Variants in CYTH4 observed in about 807,000 individuals in gnomAD.
CYTH4 encodes cytohesin 4.
In CYTH4, 22 loss-of-function variants were observed where a neutral mutation model predicts 57.5. That is an observed-to-expected ratio of 0.38 (90% CI 0.27 to 0.55). CYTH4 has a LOEUF of 0.55. CYTH4 is among the 20% of genes least tolerant of loss of function. The pLI, the probability that CYTH4 is intolerant of heterozygous loss-of-function variation, is 0.74. For synonymous variants in CYTH4, 186 were observed against 206.5 expected (o/e 0.90, Z 0.85); for missense variants, 420 against 535.6 (o/e 0.78, Z 2.13).
At chr22:37,284,941 G>C (rs995416413) in intron 1 of CYTH4, among the ~76,000 whole-genome samples, 5 of 140,648 alleles carry the variant, frequency 3.6e-5, no homozygotes, top group African/African-American at 9.9e-5. Flanking sequence ...AGCTCGGCTG[G>C]GGCGGTGGGG....
chr22:37,292,823 T>A (rs1277246917), intron 2 of CYTH4, 120 bp downstream of exon 2: 9 of 956,424 alleles, frequency 9.4e-6, no homozygotes, highest in Non-Finnish European at 1.4e-5. Context: ...CTGGCTCATA[T>A]CAGCCTCGGC....
Position 37,313,432 on chromosome 22 carries a change from A to G in CYTH4, c.1113-7A>G. 2 of 1,613,880 alleles carry G rather than the reference A, an allele frequency of 1.2e-6. No individual in the cohort carries two copies. Among genetic ancestry groups the G allele is most frequent in the Non-Finnish European group, 1.7e-6 (2 of 1,179,842 alleles). ...AGCCCTGAAATCTCTCCTCCCACTC[A>G]TTCTAGAGCCAGCATCACCCGTGTC... On this transcript the variant is annotated splice_polypyrimidine_tract_variant and splice_region_variant and intron_variant, in intron 12 of 12. Transcript: ENST00000248901.
intron 12 of CYTH4, 94 bp from the exon 13 acceptor site, chr22:37,313,345 C>T (rs1176446565): frequency 7.7e-7 from 1 of 1,294,750 alleles, no homozygotes; most frequent in Non-Finnish European, 1.1e-6. Context: ...CTGACACCTC[C>T]CTGGGAATCC....
At position 37,303,336 on chromosome 22, in the gene CYTH4, T is replaced by G; in HGVS notation, c.630T>G (p.Phe210Leu). Residue 210 changes from phenylalanine to leucine, a missense_variant, in exon 8 of 13, where the codon TTT becomes TTG. Physicochemically the swap from Phe to Leu is conservative, Grantham distance 22 (BLOSUM62 0). Transcript: ENST00000248901. ...CCAACGTCCGGGACAGGCCGCCTTT[T>G]GAGCGCTTTGTGTCCATGAACCGCG... ...HNPNVRDRPP[F>L]ERFVSMNRGI... 2 of 1,613,896 alleles carry G rather than the reference T, an allele frequency of 1.2e-6. No individual in the cohort carries two copies. Among genetic ancestry groups the G allele is most frequent in the Non-Finnish European group, 1.7e-6 (2 of 1,179,932 alleles).
intron 12 of CYTH4, 142 bp from the exon 13 acceptor site, chr22:37,313,297 G>T (rs1929716524): frequency 2.6e-6 from 2 of 777,098 alleles, no homozygotes; most frequent in Admixed American, 4.5e-5. Context: ...CACAGCCTTT[G>T]TTGGGGCCAT....
chr22:37,312,260 A>G, intron 12 of CYTH4, 86 bp downstream of exon 12: 1 of 1,537,420 alleles, frequency 6.5e-7, no homozygotes, highest in African/African-American at 1.4e-5. Flanking sequence ...TTATCTGTAA[A>G]GGGGCTAACT....
intron 1 of CYTH4, among the ~76,000 whole-genome samples, chr22:37,283,983 G>C (rs543505819): frequency 1.3e-5 from 2 of 152,270 alleles, no homozygotes; most frequent in African/African-American, 2.4e-5. Context: ...AGGGATGGCT[G>C]TCTCCATGTT....
chr22:37,300,682 G>A (rs1369929867), intron 6 of CYTH4, among the ~76,000 whole-genome samples: 3 of 152,246 alleles, frequency 2.0e-5, no homozygotes, highest in African/African-American at 7.2e-5. Context: ...GCAGAGCGGG[G>A]CGTGTGCTTA....
At chr22:37,305,852 G>A (rs1468741203) in intron 8 of CYTH4, among the ~76,000 whole-genome samples, 1 of 152,210 alleles carries the variant, frequency 6.6e-6, no homozygotes, top group Admixed American at 6.5e-5. Flanking sequence ...ATGAGGATGC[G>A]CAGCTGGGAA....
In CYTH4 at chr22:37,295,432, G is replaced by GCA. The variant is rs1462494444; in HGVS notation, c.168-556_168-555dup. On this transcript the variant is annotated intron_variant, in intron 3 of 12. Coordinates refer to ENST00000248901, the MANE Select transcript of CYTH4 (RefSeq NM_013385.5). The surrounding 1 kb of genome is among the most constrained non-coding windows in gnomAD (Gnocchi z 4.1). The stretch of plus-strand genomic sequence containing the variant: ...CAAGCATGCACACACACACAAGCAT[G>GCA]CACACACACACAAGCATGCACACAC... Among the ~76,000 whole-genome samples, 7 of 151,180 alleles carry GCA rather than the reference G, an allele frequency of 4.6e-5. No individual in the cohort carries two copies. Among genetic ancestry groups the GCA allele is most frequent in the African/African-American group, 1.5e-4 (6 of 40,996 alleles).
At position 37,295,990 on chromosome 22, in the gene CYTH4, T is replaced by C. The variant is rs777321894; in HGVS notation, c.168-9T>C. 1.9e-6 allele frequency: 3 copies of C among 1,611,948 alleles called. No homozygotes were observed. The Admixed American group carries it at 5.0e-5, about 27-fold the overall frequency. On this transcript the variant is annotated splice_polypyrimidine_tract_variant and intron_variant, in intron 3 of 12. Coordinates refer to ENST00000248901, the MANE Select transcript of CYTH4 (RefSeq NM_013385.5). The surrounding 1 kb of genome is among the most constrained non-coding windows in gnomAD (Gnocchi z 4.1). ...GGGGCAGCCCAAGCTGACGTCCTCA[T>C]GTCCACAGCCGGATGGCCCAGAAGG...
chr22:37,303,267 G>C lies in CYTH4; in HGVS notation c.561G>C (p.Val187=). Residue 187 remains valine (V), a synonymous_variant, in exon 8 of 13, where the codon GTG becomes GTC. Coordinates refer to ENST00000248901, the MANE Select transcript of CYTH4 (RefSeq NM_013385.5). ...TCCCCTCCGCAGACACCTGCTACGT[G>C]TTGTCCTTCTCCATCATCATGCTCA... ...GVFQSTDTCY[V]LSFSIIMLNT... is the part of the protein sequence containing the mutation. The C allele has an allele frequency of 6.2e-7, 1 of 1,614,192 alleles. No homozygotes were observed. The highest frequency in any genetic ancestry group is 1.1e-5 in the South Asian group (1 of 91,088).
At chr22:37,285,823 G>C in intron 1 of CYTH4, among the ~76,000 whole-genome samples, 1 of 152,178 alleles carries the variant, frequency 6.6e-6, no homozygotes, top group East Asian at 1.9e-4. Flanking sequence ...AGGGTCAGTA[G>C]GCTCCGTGTG....
Position 37,297,673 on chromosome 22 carries a change from T to C in CYTH4, c.344T>C (p.Leu115Pro). The C allele has an allele frequency of 6.2e-7, 1 of 1,613,502 alleles. No individual in the cohort carries two copies. Among genetic ancestry groups the C allele is most frequent in the Non-Finnish European group, 8.5e-7 (1 of 1,179,546 alleles). ...AACAAGACAGCCATTGGTACCTACCTGGGGGAGAGGTAAGAACGAGTGGAG... is the reference window on the plus strand; with the variant it reads ...AACAAGACAGCCATTGGTACCTACCCGGGGGAGAGGTAAGAACGAGTGGAG... ...GLNKTAIGTY[L>P]GERDPINLQV... is the part of the protein sequence containing the mutation. Residue 115 changes from leucine (L) to proline (P), a missense_variant, in exon 5 of 13, where the codon CTG (leucine) becomes CCG (proline). Transcript: ENST00000248901.
chr22:37,307,047 C>T (rs925360711), intron 8 of CYTH4, among the ~76,000 whole-genome samples: 1 of 152,230 alleles, frequency 6.6e-6, no homozygotes, highest in Admixed American at 6.5e-5. Flanking sequence ...CAGAGGGAAA[C>T]TGAGGAGGTG....
intron 5 of CYTH4, 82 bp from the exon 6 acceptor site, chr22:37,299,144 C>A: frequency 3.0e-6 from 3 of 997,442 alleles, no homozygotes; most frequent in Non-Finnish European, 4.7e-6. Context: ...TCCTCTCCCT[C>A]CCCCACCTCA....
intron 1 of CYTH4, among the ~76,000 whole-genome samples, chr22:37,287,756 G>A (rs1404770222): frequency 6.6e-6 from 1 of 152,226 alleles, no homozygotes; most frequent in African/African-American, 2.4e-5. Flanking sequence ...GCCACTTCCT[G>A]TGAATGAGAC....
intron 1 of CYTH4, among the ~76,000 whole-genome samples, chr22:37,285,105 C>T (rs1298365675): frequency 1.3e-5 from 2 of 152,210 alleles, no homozygotes; most frequent in East Asian, 3.9e-4. Flanking sequence ...TGGCATCCTC[C>T]TCCTGCCCTG....
chr22:37,311,884 A>C lies in CYTH4; in HGVS notation c.958-136A>C. ...CAGAGAGAGTGCTCAGTGTGGGAGCAGCAGCTCCTGCCCCTTCGCCTGTCG... is the reference window on the plus strand; with the variant it reads ...CAGAGAGAGTGCTCAGTGTGGGAGCCGCAGCTCCTGCCCCTTCGCCTGTCG... On this transcript the variant is annotated intron_variant, in intron 11 of 12. Transcript: ENST00000248901. The surrounding 1 kb of genome is among the most constrained non-coding windows in gnomAD (Gnocchi z 4.4). 3 of 1,124,122 alleles carry C rather than the reference A, an allele frequency of 2.7e-6. No homozygotes were observed. The highest frequency in any genetic ancestry group is 3.8e-6 in the Non-Finnish European group (3 of 796,514). 69.6% of individuals were successfully genotyped at this position (1,124,122 alleles called of 1,614,324 possible). A position where few individuals can be genotyped will look rare whatever the true frequency, so the allele number is the denominator to read the frequency against.
Sources: gnomAD v4.1 joint callset for allele counts (sites outside exome capture counted in the v4.1 genomes callset) on GRCh38, gnomAD v4.1.1 for gene constraint, Gnocchi (gnomAD v3.1) non-coding constraint, MANE v1.5 for transcripts, NCBI Gene and HGNC (gene_info 2026-07-23, HGNC 2026-07-21) for gene names.